Variants in ZSCAN5A observed in about 807,000 individuals in gnomAD.
The protein encoded by ZSCAN5A is zinc finger and SCAN domain-containing protein 5A.
ZSCAN5A carries 12 observed loss-of-function variants against 23.7 expected under a neutral mutation model. The observed-to-expected ratio is 0.51, with a 90% confidence interval of 0.32 to 0.82. The LOEUF (loss-of-function observed/expected upper bound fraction) is 0.82, where lower values mean the gene tolerates loss of function less well. Ranked by LOEUF, ZSCAN5A falls within the 40% of genes least tolerant of loss-of-function variation. The pLI is 0.03. For synonymous variants in ZSCAN5A, 257 were observed against 239.9 expected (o/e 1.07, Z -0.66); for missense variants, 597 against 617.9 (o/e 0.97, Z 0.36).
intron 2 of ZSCAN5A, chr19:56,342,800 A>C: frequency 2.6e-6 from 2 of 761,028 alleles, no homozygotes; most frequent in South Asian, 2.8e-5. Context: ...CTGAACTGGG[A>C]CCAATCATAA....
chr19:56,337,434 G>C (rs113724089), intron 2 of ZSCAN5A, among the ~76,000 whole-genome samples: 1 of 152,180 alleles, frequency 6.6e-6, no homozygotes, highest in African/African-American at 2.4e-5. Context: ...CATTGGAAAA[G>C]TGCAGTATTA....
At chr19:56,237,646 G>A (rs968968700) in intron 2 of ZSCAN5A, among the ~76,000 whole-genome samples, 4 of 152,142 alleles carry the variant, frequency 2.6e-5, no homozygotes, top group East Asian at 3.9e-4. Context: ...GGGCCGGGGC[G>A]CGGTGGCTCA....
intron 2 of ZSCAN5A, chr19:56,321,391 G>A: frequency 1.5e-6 from 1 of 646,500 alleles, no homozygotes; most frequent in Non-Finnish European, 2.9e-6. Context: ...GCAGATAGCT[G>A]CAGCATCCTT....
intron 2 of ZSCAN5A, among the ~76,000 whole-genome samples, chr19:56,253,782 G>C (rs939600013): frequency 1.3e-5 from 2 of 152,316 alleles, no homozygotes; most frequent in Admixed American, 6.5e-5. Flanking sequence ...TAGGGATGCA[G>C]TGTCTCTTCG....
intron 2 of ZSCAN5A, chr19:56,244,067 TG>T: frequency 1.8e-6 from 2 of 1,130,232 alleles, no homozygotes; most frequent in Non-Finnish European, 2.6e-6. Flanking sequence ...CAACTCCTCA[TG>T]GGGTCAGGGA....
intron 2 of ZSCAN5A, among the ~76,000 whole-genome samples, chr19:56,275,469 G>A (rs2038178988): frequency 1.3e-5 from 2 of 152,204 alleles, no homozygotes; most frequent in Admixed American, 1.3e-4. Flanking sequence ...AGTGGCTCAA[G>A]CCTTTAATCC....
At chr19:56,285,871 T>A (rs1156252033) in intron 2 of ZSCAN5A, among the ~76,000 whole-genome samples, 2 of 152,238 alleles carry the variant, frequency 1.3e-5, no homozygotes, top group African/African-American at 4.8e-5. Flanking sequence ...TGCAAATTCC[T>A]ATCTGTTAAG....
intron 2 of ZSCAN5A, among the ~76,000 whole-genome samples, chr19:56,288,378 C>T (rs559141747): frequency 1.3e-5 from 2 of 152,338 alleles, no homozygotes; most frequent in South Asian, 4.1e-4. Flanking sequence ...CCCTGCTCAT[C>T]TTCCAGGTCT....
intron 1 of ZSCAN5A, chr19:56,367,355 C>G (rs1046258018): frequency 6.6e-6 from 1 of 152,130 alleles, no homozygotes; most frequent in Non-Finnish European, 1.5e-5. Flanking sequence ...GAGTGAGATG[C>G]TGTTTCTTAA....
chr19:56,356,761 G>A (rs1437805938), intron 2 of ZSCAN5A, among the ~76,000 whole-genome samples: 2 of 148,386 alleles, frequency 1.3e-5, no homozygotes, highest in Non-Finnish European at 3.0e-5. Flanking sequence ...ACTGCCTGTG[G>A]GGTTATTGTT....
rs748143740 is a variant in ZSCAN5A, at chr19:56,221,660, T to C, written c.1406A>G (p.Lys469Arg). Residue 469 changes from lysine to arginine, a missense_variant, in exon 6 of 6, where the codon AAA (lysine) becomes AGA (arginine). Around this residue, in one of 5 missense-constraint regions of ZSCAN5A, gnomAD observed 87 missense variants for 74.4 expected, o/e 1.17. Coordinates refer to ENST00000683990, the MANE Select transcript of ZSCAN5A (RefSeq NM_001322064.3). ...QRIHSGEKPY[K>R]CSKCPRAFSR... ...GAAGGCTCTTGGACACTTGGAACAT[T>C]TGTAGGGTTTCTCTCCGGAGTGGAT... 2 of 1,614,160 alleles carry C rather than the reference T, an allele frequency of 1.2e-6. No homozygotes were observed. The highest frequency in any genetic ancestry group is 2.2e-5 in the South Asian group (2 of 91,074).
chr19:56,281,671 C>T (rs1351903003), intron 2 of ZSCAN5A: 1 of 985,044 alleles, frequency 1.0e-6, no homozygotes, highest in African/African-American at 1.7e-5. Context: ...TCACTGGCTC[C>T]TGGCTCTGCT....
At chr19:56,356,516 G>A (rs2041701517) in intron 2 of ZSCAN5A, among the ~76,000 whole-genome samples, 2 of 148,136 alleles carry the variant, frequency 1.4e-5, no homozygotes, top group Admixed American at 6.7e-5. Context: ...CACAGAAGGA[G>A]CACAGGCTGT....
At chr19:56,291,144 C>T (rs1039513031) in intron 2 of ZSCAN5A, among the ~76,000 whole-genome samples, 12 of 152,072 alleles carry the variant, frequency 7.9e-5, no homozygotes, top group African/African-American at 2.9e-4. Context: ...GACCGTTGCC[C>T]CAGAAGACAA....
chr19:56,329,560 C>G (rs4322762), intron 2 of ZSCAN5A, among the ~76,000 whole-genome samples: 4,639 of 151,702 alleles, frequency 0.031, 218 homozygotes, highest in African/African-American at 0.1. Context: ...GTATTCTGTA[C>G]TCTAATCCCA....
intron 2 of ZSCAN5A, among the ~76,000 whole-genome samples, chr19:56,337,619 C>T (rs34974826): frequency 0.19 from 29,222 of 152,142 alleles, 3,736 homozygotes; most frequent in African/African-American, 0.37. Flanking sequence ...CGGCACTCCC[C>T]AGTGAGATGA....
intron 2 of ZSCAN5A, chr19:56,354,550 CTTCTTT>C (rs1431512743): frequency 6.6e-6 from 1 of 152,184 alleles, no homozygotes; most frequent in Admixed American, 6.5e-5. Flanking sequence ...GTGACACCTT[CTTCTTT>C]TTTATTCAGG....
chr19:56,236,950 G>A (rs2034980761), intron 2 of ZSCAN5A, among the ~76,000 whole-genome samples: 1 of 151,962 alleles, frequency 6.6e-6, no homozygotes, highest in Non-Finnish European at 1.5e-5. Context: ...AGCCTCTGAC[G>A]GACGGTGGGC....
chr19:56,245,280 C>G (rs564486512), intron 2 of ZSCAN5A: 1 of 718,014 alleles, frequency 1.4e-6, no homozygotes, highest in East Asian at 2.7e-5. Context: ...GTCGAGATGG[C>G]TGAAATCCCT....
Sources: gnomAD v4.1 joint callset for allele counts (sites outside exome capture counted in the v4.1 genomes callset) on GRCh38, gnomAD v4.1.1 for gene constraint, gnomAD v4.1.1 regional missense constraint, MANE v1.5 for transcripts, NCBI Gene and HGNC (gene_info 2026-07-23, HGNC 2026-07-21) for gene names.